Variants in AGGF1 observed in about 807,000 individuals in gnomAD.
AGGF1 encodes the protein angiogenic factor with G-patch and FHA domains 1.
Under a neutral mutation model 86.5 loss-of-function variants are expected in AGGF1, and 56 were observed. The observed-to-expected ratio is 0.65, with a 90% CI of 0.52 to 0.81. AGGF1 has a LOEUF of 0.81. AGGF1 is among the 30% of genes least tolerant of loss of function. The probability of loss-of-function intolerance (pLI) is 0.00; values close to 1 mark genes in which losing one functional copy is unlikely to be tolerated. For missense variants in AGGF1, 816 were observed against 850.9 expected, an observed-to-expected ratio of 0.96 and a Z score of 0.51; for synonymous variants, 313 against 297.1, an observed-to-expected ratio of 1.05 and a Z score of -0.55.
rs989905647 is a variant in AGGF1, at chr5:77,046,556, A to G, written c.1080A>G (p.Lys360=). The G allele has an allele frequency of 5.6e-6, 9 of 1,613,870 alleles. No individual in the cohort carries two copies. Among genetic ancestry groups the G allele is most frequent in the Non-Finnish European group, 7.6e-6 (9 of 1,179,866 alleles). ...ISNSTSFKDE[K]IMETDSEPEE... is the part of the protein sequence containing the mutation. Reference sequence around the variant, plus strand: ...ATTCAACATCATTTAAAGATGAGAAAATCATGGAGACTGATAGTGAACCAG... The same window carrying G: ...ATTCAACATCATTTAAAGATGAGAAGATCATGGAGACTGATAGTGAACCAG... The change falls in exon 6 of 14, where the codon AAA becomes AAG. Residue 360 remains lysine (K), a synonymous_variant. Transcript: ENST00000312916.
At chr5:77,043,988 C>T (rs4026026) in intron 5 of AGGF1, among the ~76,000 whole-genome samples, 2 of 80,602 alleles carry the variant, frequency 2.5e-5, no homozygotes, top group South Asian at 4.3e-4. Flanking sequence ...AATGGGCGGC[C>T]GGGCAGAGAC....
intron 1 of AGGF1, among the ~76,000 whole-genome samples, chr5:77,033,349 A>T (rs1171931856): frequency 6.6e-6 from 1 of 152,204 alleles, no homozygotes; most frequent in East Asian, 1.9e-4. Flanking sequence ...TGGGGTTAGG[A>T]CAACGAATAT....
intron 4 of AGGF1, among the ~76,000 whole-genome samples, chr5:77,037,134 T>A (rs1041443420): frequency 6.6e-6 from 1 of 152,246 alleles, no homozygotes; most frequent in Non-Finnish European, 1.5e-5. Flanking sequence ...TCTAAGTTTT[T>A]AAAATAAGGT....
rs568650238 is a variant in AGGF1 at position 77,052,262 on chromosome 5, A to AG, written c.1366-442dup. ...CAGCTACTCAGGAAGCTGAGGTGGGAGGATCGCTTGAGCCCAGGAGGTCAA... is the reference window on the plus strand; with the variant it reads ...CAGCTACTCAGGAAGCTGAGGTGGGAGGGATCGCTTGAGCCCAGGAGGTCAA... On this transcript the variant is annotated intron_variant, in intron 8 of 13. Transcript: ENST00000312916. Among the ~76,000 whole-genome samples, 529 of 152,228 alleles carry AG rather than the reference A, an allele frequency of 3.5e-3. 3 individuals are homozygous for AG. The highest frequency in any genetic ancestry group is 0.012 in the African/African-American group (488 of 41,548).
chr5:77,057,585 A>G (rs866073773), intron 11 of AGGF1, among the ~76,000 whole-genome samples: 2 of 152,232 alleles, frequency 1.3e-5, no homozygotes, highest in Non-Finnish European at 2.9e-5. Flanking sequence ...CTCTCATACA[A>G]GTTACATGAA....
intron 11 of AGGF1, among the ~76,000 whole-genome samples, chr5:77,058,778 T>C (rs1175176532): frequency 6.6e-6 from 1 of 152,234 alleles, no homozygotes; most frequent in Non-Finnish European, 1.5e-5. Context: ...GGAAGGCTTC[T>C]ATGAATGCTG....
rs1231035854 is a variant in AGGF1 at position 77,030,975 on chromosome 5, A to G, written c.209A>G (p.Gln70Arg). The change falls in exon 1 of 14, where the codon CAG becomes CGG. Residue 70 changes from glutamine (Q) to arginine (R), a missense_variant and splice_region_variant. Gln to Arg is a conservative substitution (Grantham distance 43). Around this residue, in one of 3 missense-constraint regions of AGGF1, gnomAD observed 240 missense variants for 234.4 expected, o/e 1.02. Coordinates refer to ENST00000312916, the MANE Select transcript of AGGF1 (RefSeq NM_018046.5). ...AGCAACAACCAGGAGCTCCGCACGC[A>G]GGTGCGCGGTCCTCCTCAGCCCCGC... ...AESNNQELRT[Q>R]VEELSKILQR... 9 of 1,611,680 alleles carry G rather than the reference A, an allele frequency of 5.6e-6. 1 individual carries two copies. The highest frequency in any genetic ancestry group is 4.0e-5 in the African/African-American group (3 of 74,936).
rs771004923 is a variant in AGGF1, at chr5:77,047,817, CT to C, written c.1202-327del. 7.9e-3 allele frequency among the ~76,000 whole-genome samples: 975 copies of C among 123,584 alleles called. 5 individuals carry two copies. The highest frequency in any genetic ancestry group is 0.018 in the African/African-American group (586 of 32,992). The allele number at this position is 123,584 out of a possible 152,430, so 81.1% of individuals were successfully genotyped here. On this transcript the variant is annotated intron_variant, in intron 6 of 13. Coordinates refer to ENST00000312916, the MANE Select transcript of AGGF1 (RefSeq NM_018046.5). ...ATAGGTGTGGACCACTGTGCCTGGC[CT>C]TTTTTTTTTTTTTTTTAATGGACTC...
chr5:77,052,213 T>C (rs1747382760), intron 8 of AGGF1, among the ~76,000 whole-genome samples: 1 of 151,870 alleles, frequency 6.6e-6, no homozygotes, highest in Non-Finnish European at 1.5e-5. Flanking sequence ...ATTAACCAGG[T>C]ATGGTGGCAC....
chr5:77,051,403 G>GGA (rs1747371398), intron 8 of AGGF1, among the ~76,000 whole-genome samples: 1 of 150,992 alleles, frequency 6.6e-6, no homozygotes, highest in African/African-American at 2.4e-5. Context: ...ACTGCACTCC[G>GGA]GCCTGGGCAA....
At position 77,061,736 on chromosome 5, in the gene AGGF1, G is replaced by A; in HGVS notation, c.1878G>A (p.Met626Ile). The change falls in exon 13 of 14, where the codon ATG becomes ATA. Residue 626 changes from methionine (M) to isoleucine (I), a missense_variant. By Grantham distance (10) the Met-to-Ile change is conservative. Transcript: ENST00000312916. Reference sequence around the variant, plus strand: ...CTGATAGCAACAAAGGTCGGAAGATGTTGGAGAAGATGGGTTGGAAGAAAG... The same window carrying A: ...CTGATAGCAACAAAGGTCGGAAGATATTGGAGAAGATGGGTTGGAAGAAAG... ...EITDSNKGRK[M>I]LEKMGWKKGE... The A allele has an allele frequency of 6.2e-7, 1 of 1,608,410 alleles. No individual in the cohort carries two copies.
intron 11 of AGGF1, 77 bp from the exon 12 acceptor site, chr5:77,059,539 T>G: frequency 7.6e-7 from 1 of 1,309,882 alleles, no homozygotes; most frequent in Non-Finnish European, 1.1e-6. Context: ...ATCATATTCG[T>G]TAAGTAAGGC....
intron 5 of AGGF1, among the ~76,000 whole-genome samples, chr5:77,040,465 A>G (rs144301379): frequency 6.6e-6 from 1 of 152,182 alleles, no homozygotes. Flanking sequence ...GGAGTGAGAT[A>G]ACATATTTAT....
At chr5:77,058,207 C>G (rs182645603) in intron 11 of AGGF1, among the ~76,000 whole-genome samples, 9 of 151,938 alleles carry the variant, frequency 5.9e-5, no homozygotes, top group Non-Finnish European at 1.0e-4. Flanking sequence ...TTAATTATAC[C>G]TCAATAAAGT....
At chr5:77,052,950 G>A (rs1209171426) in intron 9 of AGGF1, 143 bp downstream of exon 9, 9 of 730,104 alleles carry the variant, frequency 1.2e-5, no homozygotes, top group Admixed American at 2.3e-5. Flanking sequence ...TTCCAGAAAG[G>A]CTGAAAAAAG....
At chr5:77,059,819 C>T (rs1747523032) in intron 12 of AGGF1, 76 bp downstream of exon 12, 4 of 1,546,004 alleles carry the variant, frequency 2.6e-6, no homozygotes. Context: ...ATGTTCAGGG[C>T]TATATATCCT....
rs762272284 is a variant in AGGF1, at chr5:77,046,482, C to A, written c.1006C>A (p.Pro336Thr). The A allele has an allele frequency of 6.2e-7, 1 of 1,614,000 alleles. No homozygotes were observed. The highest frequency in any genetic ancestry group is 8.5e-7 in the Non-Finnish European group (1 of 1,179,958). ...HKNSPPKVTV[P>T]TSGNTIESPL... ...AAATAGTCCCCCCAAAGTCACTGTTCCAACTAGTGGAAATACTATAGAGTC... is the reference window on the plus strand; with the variant it reads ...AAATAGTCCCCCCAAAGTCACTGTTACAACTAGTGGAAATACTATAGAGTC... Residue 336 changes from proline (P) to threonine (T), a missense_variant, in exon 6 of 14, where the codon CCA becomes ACA. Coordinates refer to ENST00000312916, the MANE Select transcript of AGGF1 (RefSeq NM_018046.5).
At chr5:77,050,306 C>CTTT (rs10595061) in intron 8 of AGGF1, among the ~76,000 whole-genome samples, 18 of 76,562 alleles carry the variant, frequency 2.4e-4, no homozygotes, top group South Asian at 6.2e-4. Context: ...TTCTTTGTTT[C>CTTT]TTTTTTTTTT....
At chr5:77,046,760 G>A (rs1747263063) in intron 6 of AGGF1, 83 bp downstream of exon 6, 1 of 1,268,214 alleles carries the variant, frequency 7.9e-7, no homozygotes. Context: ...TTAGTGAGTT[G>A]TAGTATATCT....
Sources: allele counts gnomAD v4.1 joint callset (sites outside exome capture counted in the v4.1 genomes callset), GRCh38; gene constraint gnomAD v4.1.1; regional missense constraint gnomAD v4.1.1; transcripts MANE v1.5; gene names NCBI Gene and HGNC (gene_info 2026-07-23, HGNC 2026-07-21).